Variants in DLC1 observed in about 807,000 individuals in gnomAD.
DLC1 encodes the protein rho GTPase-activating protein 7.
DLC1 carries 54 observed loss-of-function variants against 140.3 expected under a neutral mutation model. The ratio of observed to expected loss-of-function variants is 0.38; its 90% CI spans 0.31 to 0.48. The LOEUF (loss-of-function observed/expected upper bound fraction) is 0.48. Ranked by LOEUF, DLC1 falls within the 20% of genes least tolerant of loss-of-function variation. DLC1 has a pLI of 0.96. For synonymous variants in DLC1, 986 were observed against 728.1 expected (o/e 1.35, Z -5.70); for missense variants, 2,536 against 1,907.0 (o/e 1.33, Z -6.14).
At chr8:13,352,032 C>T (rs137915059) in intron 4 of DLC1, among the ~76,000 whole-genome samples, 1 of 152,218 alleles carries the variant, frequency 6.6e-6, no homozygotes, top group Non-Finnish European at 1.5e-5. Flanking sequence ...CGGTGCCCAG[C>T]CATATGTCTC....
chr8:13,527,965 A>T (rs1802973207), intron 1 of DLC1, among the ~76,000 whole-genome samples: 1 of 152,150 alleles, frequency 6.6e-6, no homozygotes, highest in African/African-American at 2.4e-5. Context: ...TTTTAAAAGT[A>T]TTAAGTAGTT....
intron 2 of DLC1, among the ~76,000 whole-genome samples, chr8:13,430,886 A>G (rs1838830551): frequency 6.6e-6 from 1 of 152,248 alleles, no homozygotes; most frequent in Admixed American, 6.5e-5. Context: ...AGGCAGAAAT[A>G]TATTCACAAT....
chr8:13,281,033 C>T (rs1831348865), intron 5 of DLC1, among the ~76,000 whole-genome samples: 3 of 152,134 alleles, frequency 2.0e-5, no homozygotes, highest in Non-Finnish European at 4.4e-5. Flanking sequence ...TCCAATAGTC[C>T]ATGACAAGGA....
intron 5 of DLC1, among the ~76,000 whole-genome samples, chr8:13,202,503 G>A (rs56366229): frequency 0.081 from 12,345 of 152,084 alleles, 678 homozygotes; most frequent in South Asian, 0.16. Context: ...TAAAATTGCC[G>A]TCTTTCTACC....
intron 4 of DLC1, among the ~76,000 whole-genome samples, chr8:13,321,500 T>G (rs545848496): frequency 3.3e-5 from 4 of 122,064 alleles, no homozygotes; most frequent in African/African-American, 1.3e-4. Flanking sequence ...ATCGCACCAC[T>G]GCACTCCAGC....
At chr8:13,575,695 C>T (rs969425437) in intron 1 of DLC1, among the ~76,000 whole-genome samples, 2 of 152,128 alleles carry the variant, frequency 1.3e-5, no homozygotes, top group African/African-American at 2.4e-5. Context: ...CTTCAGTGTA[C>T]CATAATAGTG....
At chr8:13,459,260 T>G (rs1421544206) in intron 2 of DLC1, among the ~76,000 whole-genome samples, 1 of 152,200 alleles carries the variant, frequency 6.6e-6, no homozygotes. Flanking sequence ...TCCCTCCCCC[T>G]CTTTCATTCT....
Position 13,085,748 on chromosome 8 carries a change from G to A in DLC1, c.*63C>T. ...ATTAGACACAGAACCCATTCTTCAA[G>A]GACTGGCAAAAGTTCTAGAAACAAA... On this transcript the variant is annotated 3_prime_UTR_variant, in exon 18 of 18. Transcript: ENST00000276297. 1 of 1,607,532 alleles carries A rather than the reference G, an allele frequency of 6.2e-7. No homozygotes were observed. Among genetic ancestry groups the A allele is most frequent in the Admixed American group, 1.7e-5 (1 of 59,392 alleles).
chr8:13,351,868 G>A (rs577271545), intron 4 of DLC1, among the ~76,000 whole-genome samples: 2 of 150,618 alleles, frequency 1.3e-5, no homozygotes, highest in Admixed American at 1.4e-4. Flanking sequence ...TTTTTTAAAT[G>A]AAATTAATTG....
intron 2 of DLC1, among the ~76,000 whole-genome samples, chr8:13,413,000 T>A (rs940496179): frequency 6.6e-6 from 1 of 150,966 alleles, no homozygotes; most frequent in African/African-American, 2.4e-5. Context: ...TCATGTTTAA[T>A]GAGCAAAACA....
intron 5 of DLC1, among the ~76,000 whole-genome samples, chr8:13,122,981 A>C (rs571936764): frequency 5.3e-5 from 8 of 152,228 alleles, no homozygotes; most frequent in Admixed American, 3.3e-4. Context: ...TATTGATCCA[A>C]CTAGGCGTAC....
chr8:13,220,318 T>A (rs1828479237), intron 5 of DLC1, among the ~76,000 whole-genome samples: 1 of 152,190 alleles, frequency 6.6e-6, no homozygotes, highest in African/African-American at 2.4e-5. Flanking sequence ...AATTTGAATT[T>A]GCAGCAAAGG....
chr8:13,092,903 T>C, intron 12 of DLC1, 78 bp from the exon 13 acceptor site: 1 of 1,478,986 alleles, frequency 6.8e-7, no homozygotes, highest in East Asian at 2.4e-5. Flanking sequence ...AGAGCAAATA[T>C]CGGCATCAAA....
chr8:13,238,654 G>A lies in DLC1; in HGVS notation c.1348+66615C>T, dbSNP rs77982885. Among the ~76,000 whole-genome samples, 1,225 of 152,204 alleles carry A rather than the reference G, an allele frequency of 8.0e-3. 20 individuals are homozygous for A. Among genetic ancestry groups the A allele is most frequent in the East Asian group, 0.031 (161 of 5,168 alleles). ...AATCAGCTCCCCTCCAGGACTTGGC[G>A]ATCTGAGGATCAGCCTAGATTTCAG... On this transcript the variant is annotated intron_variant, in intron 5 of 17. Transcript: ENST00000276297.
intron 4 of DLC1, among the ~76,000 whole-genome samples, chr8:13,367,909 C>G (rs528358367): frequency 6.6e-6 from 1 of 152,130 alleles, no homozygotes; most frequent in South Asian, 2.1e-4. Context: ...TCGGCTTAGA[C>G]AGGAATTTCA....
intron 5 of DLC1, among the ~76,000 whole-genome samples, chr8:13,167,518 G>A (rs760398207): frequency 2.6e-5 from 4 of 152,134 alleles, no homozygotes; most frequent in Non-Finnish European, 5.9e-5. Context: ...TTTATCTACC[G>A]GGTCTCAAAG....
At chr8:13,299,077 C>A (rs747591324) in intron 5 of DLC1, among the ~76,000 whole-genome samples, 1 of 151,436 alleles carries the variant, frequency 6.6e-6, no homozygotes, top group Non-Finnish European at 1.5e-5. Context: ...AGAGAGAACA[C>A]ATTATAAGTC....
chr8:13,430,848 A>G lies in DLC1; in HGVS notation c.1024-29229T>C, dbSNP rs74382365. Among the ~76,000 whole-genome samples, 890 of 152,364 alleles carry G rather than the reference A, an allele frequency of 5.8e-3. 12 individuals carry two copies. Among genetic ancestry groups the G allele is most frequent in the African/African-American group, 0.021 (853 of 41,582 alleles). On this transcript the variant is annotated intron_variant, in intron 2 of 17. Coordinates refer to ENST00000276297, the MANE Select transcript of DLC1 (RefSeq NM_182643.3). ...TTATTGCTGCTAAATTTCCAATAAT[A>G]GATTATATTATGCTTGAATAATTAC...
intron 4 of DLC1, among the ~76,000 whole-genome samples, chr8:13,305,863 A>G (rs1235257719): frequency 6.6e-6 from 1 of 152,204 alleles, no homozygotes; most frequent in Non-Finnish European, 1.5e-5. Flanking sequence ...AACATTGGCA[A>G]TAAATGAATC....
Sources: allele counts gnomAD v4.1 joint callset (sites outside exome capture counted in the v4.1 genomes callset), GRCh38; gene constraint gnomAD v4.1.1; transcripts MANE v1.5; gene names NCBI Gene and HGNC (gene_info 2026-07-23, HGNC 2026-07-21).